The following DAB1 variants were observed in gnomAD, a reference collection of about 807,000 sequenced individuals.
The protein encoded by DAB1 is DAB adaptor protein 1.
A neutral mutation model predicts 64.6 loss-of-function variants in DAB1; 15 were observed. The observed-to-expected ratio is 0.23, with a 90% CI of 0.16 to 0.36. DAB1 has a LOEUF of 0.36. DAB1 is among the 10% of genes least tolerant of loss of function. The pLI is 1.00. For synonymous variants in DAB1, 235 were observed against 251.9 expected (o/e 0.93, Z 0.64); for missense variants, 596 against 706.7 (o/e 0.84, Z 1.78).
intron 4 of DAB1, among the ~76,000 whole-genome samples, chr1:58,304,910 A>T (rs763815897): frequency 1.3e-5 from 2 of 152,082 alleles, no homozygotes; most frequent in African/African-American, 2.4e-5. Flanking sequence ...GATAGCATTT[A>T]CTCAATTTTG....
intron 4 of DAB1, among the ~76,000 whole-genome samples, chr1:58,153,896 A>C (rs1655079617): frequency 6.7e-6 from 1 of 148,290 alleles, no homozygotes; most frequent in Non-Finnish European, 1.5e-5. Context: ...GCCTGGTAAT[A>C]ACACTCTCTT....
rs563374626 is a variant in DAB1 at position 57,510,858 on chromosome 1, A to G, written n.625+138734T>C. On this transcript the variant is annotated intron_variant and non_coding_transcript_variant, in intron 7 of 20. Transcript: ENST00000485760. ...CAGTGATGTGGTCACGGCTCACTGC[A>G]TCCTCGAACTCCCGAACTCAAGCAA... Among the ~76,000 whole-genome samples the G allele has an allele frequency of 7.9e-5, 12 of 152,312 alleles. No homozygotes were observed. The East Asian group carries it at 2.3e-3, about 29-fold the overall frequency.
intron 6 of DAB1, among the ~76,000 whole-genome samples, chr1:57,745,212 C>G (rs1328660348): frequency 6.6e-6 from 1 of 152,018 alleles, no homozygotes; most frequent in African/African-American, 2.4e-5. Context: ...GGGAATGTAT[C>G]CAGTAAAGTG....
intron 5 of DAB1, among the ~76,000 whole-genome samples, chr1:58,118,890 G>A (rs1652558475): frequency 6.6e-6 from 1 of 151,792 alleles, no homozygotes; most frequent in African/African-American, 2.4e-5. Flanking sequence ...ACACACCAGT[G>A]CTGTCCAATC....
chr1:57,829,844 A>G, intron 1 of DAB1, among the ~76,000 whole-genome samples: 1 of 152,252 alleles, frequency 6.6e-6, no homozygotes, highest in East Asian at 1.9e-4. Flanking sequence ...GGGTAAATAC[A>G]GACCATTCTT....
At chr1:58,411,926 A>AT (rs769579055) in intron 3 of DAB1, among the ~76,000 whole-genome samples, 40 of 152,264 alleles carry the variant, frequency 2.6e-4, no homozygotes, top group Non-Finnish European at 4.7e-4. Context: ...TTCTCATACC[A>AT]TTTTTGGAGG....
intron 6 of DAB1, among the ~76,000 whole-genome samples, chr1:57,686,010 A>G (rs915100745): frequency 6.6e-6 from 1 of 152,104 alleles, no homozygotes; most frequent in African/African-American, 2.4e-5. Context: ...ATTAGAAAAA[A>G]AAGAACCAAC....
Position 57,633,669 on chromosome 1 carries a change from A to G in DAB1, n.625+15923T>C, listed in dbSNP as rs1234183080. On this transcript the variant is annotated intron_variant and non_coding_transcript_variant, in intron 7 of 20. Transcript: ENST00000485760. Reference sequence around the variant, plus strand: ...TACTTTAAAGAAATGTCTGATTCCCACAATTCTAATAATATGTGCCCAGAA... The same window carrying G: ...TACTTTAAAGAAATGTCTGATTCCCGCAATTCTAATAATATGTGCCCAGAA... Among the ~76,000 whole-genome samples the G allele has an allele frequency of 3.3e-5, 5 of 152,280 alleles. No individual in the cohort carries two copies. The South Asian group carries it at 1.0e-3, about 32-fold the overall frequency.
At chr1:58,185,807 C>A (rs767450964) in intron 4 of DAB1, among the ~76,000 whole-genome samples, 3 of 152,126 alleles carry the variant, frequency 2.0e-5, no homozygotes, top group Non-Finnish European at 4.4e-5. Flanking sequence ...AACGTGTGTT[C>A]AGGTGGTACT....
intron 4 of DAB1, among the ~76,000 whole-genome samples, chr1:58,292,603 G>T (rs1661872088): frequency 6.6e-6 from 1 of 152,112 alleles, no homozygotes; most frequent in African/African-American, 2.4e-5. Flanking sequence ...GTGTGTTAGT[G>T]CTGGTGCTAT....
At chr1:57,924,823 C>T (rs1334538545) in intron 5 of DAB1, among the ~76,000 whole-genome samples, 1 of 151,702 alleles carries the variant, frequency 6.6e-6, no homozygotes, top group Non-Finnish European at 1.5e-5. Context: ...ATAATTGATC[C>T]TCCTTCAAAT....
intron 3 of DAB1, among the ~76,000 whole-genome samples, chr1:58,424,946 T>C (rs967928875): frequency 8.4e-6 from 1 of 119,242 alleles, no homozygotes; most frequent in African/African-American, 3.0e-5. Context: ...AGGCAATGTG[T>C]GGAGGCAATC....
intron 7 of DAB1, among the ~76,000 whole-genome samples, chr1:57,591,419 G>A (rs1645444232): frequency 1.3e-5 from 2 of 152,188 alleles, no homozygotes; most frequent in African/African-American, 2.4e-5. Context: ...GGAAGGAATG[G>A]ACCAGCCAAA....
intron 6 of DAB1, among the ~76,000 whole-genome samples, chr1:57,808,512 G>C (rs1255141550): frequency 6.6e-6 from 1 of 152,148 alleles, no homozygotes; most frequent in Non-Finnish European, 1.5e-5. Flanking sequence ...TCAGAAAATG[G>C]CTTTGAAATA....
chr1:57,926,340 T>A (rs1007737986), intron 5 of DAB1, among the ~76,000 whole-genome samples: 1 of 152,202 alleles, frequency 6.6e-6, no homozygotes, highest in Admixed American at 6.5e-5. Context: ...GAAGTGAAAC[T>A]ATACTTTATC....
intron 2 of DAB1, among the ~76,000 whole-genome samples, chr1:58,513,413 A>C (rs1435464085): frequency 4.6e-5 from 7 of 152,128 alleles, no homozygotes; most frequent in Admixed American, 4.6e-4. Context: ...ACAGCAACTA[A>C]TTCAGTCTAA....
intron 2 of DAB1, among the ~76,000 whole-genome samples, chr1:58,525,073 C>T (rs1402511378): frequency 6.6e-6 from 1 of 152,170 alleles, no homozygotes; most frequent in Non-Finnish European, 1.5e-5. Context: ...TTACATTTCT[C>T]TCAACTGCAA....
At chr1:57,624,343 A>G (rs972907760) in intron 7 of DAB1, among the ~76,000 whole-genome samples, 1 of 152,070 alleles carries the variant, frequency 6.6e-6, no homozygotes. Context: ...CAGCTATATG[A>G]CCTTTCCCAA....
chr1:57,913,136 A>G (rs1342497298), intron 5 of DAB1, among the ~76,000 whole-genome samples: 31 of 152,282 alleles, frequency 2.0e-4, no homozygotes, highest in African/African-American at 6.5e-4. Context: ...GCATTGCCAA[A>G]TCAATCCTAA....
Sources: gnomAD v4.1 joint callset for allele counts (sites outside exome capture counted in the v4.1 genomes callset) on GRCh38, gnomAD v4.1.1 for gene constraint, MANE v1.5 for transcripts, NCBI Gene and HGNC (gene_info 2026-07-23, HGNC 2026-07-21) for gene names.